The following EPB41L3 variants were observed in gnomAD, a reference collection of about 807,000 sequenced individuals.
EPB41L3 encodes the protein band 4.1-like protein 3.
EPB41L3 carries 57 observed loss-of-function variants against 127.1 expected under a neutral mutation model. The observed-to-expected ratio is 0.45, with a 90% confidence interval of 0.36 to 0.56. EPB41L3 has a LOEUF of 0.56. EPB41L3 is among the 20% of genes least tolerant of loss of function. EPB41L3 has a pLI of 0.00. For missense variants in EPB41L3, 1,273 were observed against 1,372.2 expected, an observed-to-expected ratio of 0.93 and a Z score of 1.14; for synonymous variants, 572 against 549.5, an observed-to-expected ratio of 1.04 and a Z score of -0.57.
At chr18:5,556,093 C>G (rs2094030949) in intron 3 of EPB41L3, among the ~76,000 whole-genome samples, 1 of 152,232 alleles carries the variant, frequency 6.6e-6, no homozygotes, top group Non-Finnish European at 1.5e-5. Flanking sequence ...AACCTGCACA[C>G]TGCCTGGCAT....
chr18:5,528,724 A>G (rs1253276290), intron 1 of EPB41L3, among the ~76,000 whole-genome samples: 2 of 151,982 alleles, frequency 1.3e-5, no homozygotes, highest in Non-Finnish European at 2.9e-5. Flanking sequence ...CAGCCTCCCA[A>G]GTAGCTGGGA....
At chr18:5,593,699 T>A (rs928868391) in intron 3 of EPB41L3, among the ~76,000 whole-genome samples, 3 of 152,132 alleles carry the variant, frequency 2.0e-5, no homozygotes, top group African/African-American at 7.2e-5. Flanking sequence ...TATGGGAGAC[T>A]GGGCCTTATT....
intron 1 of EPB41L3, among the ~76,000 whole-genome samples, chr18:5,522,166 C>T (rs2093018717): frequency 6.6e-6 from 1 of 152,098 alleles, no homozygotes; most frequent in African/African-American, 2.4e-5. Flanking sequence ...TGCAGTGATG[C>T]AATCTCGGTT....
intron 1 of EPB41L3, among the ~76,000 whole-genome samples, chr18:5,502,424 T>C (rs987313423): frequency 2.6e-5 from 4 of 152,214 alleles, no homozygotes; most frequent in African/African-American, 9.6e-5. Context: ...ACTTTGTATA[T>C]TGATAATTTT....
intron 3 of EPB41L3, among the ~76,000 whole-genome samples, chr18:5,553,483 C>G (rs1262112049): frequency 6.6e-6 from 1 of 152,144 alleles, no homozygotes; most frequent in African/African-American, 2.4e-5. Context: ...ACATAAGGTT[C>G]CCTTGGAATT....
At chr18:5,598,305 C>T (rs982626476) in intron 3 of EPB41L3, among the ~76,000 whole-genome samples, 2 of 152,088 alleles carry the variant, frequency 1.3e-5, no homozygotes, top group Non-Finnish European at 2.9e-5. Flanking sequence ...GATGAGAATA[C>T]ACTTGTCTTC....
intron 3 of EPB41L3, among the ~76,000 whole-genome samples, chr18:5,568,307 T>A (rs2149243943): frequency 6.6e-6 from 1 of 152,022 alleles, no homozygotes; most frequent in South Asian, 2.1e-4. Flanking sequence ...TCAGTGTTGT[T>A]TAGGTGGCGC....
intron 1 of EPB41L3, among the ~76,000 whole-genome samples, chr18:5,498,313 G>T (rs925672376): frequency 1.3e-5 from 2 of 152,146 alleles, no homozygotes; most frequent in Non-Finnish European, 2.9e-5. Context: ...AGTTCAGACG[G>T]CTGGGCGCCG....
intron 3 of EPB41L3, among the ~76,000 whole-genome samples, chr18:5,556,390 C>G (rs189611580): frequency 6.6e-5 from 10 of 152,330 alleles, no homozygotes; most frequent in Non-Finnish European, 1.3e-4. Context: ...CTAGCCAGAG[C>G]TGCTGACGAC....
Position 5,470,028 on chromosome 18 carries a change from T to C in EPB41L3, c.381+8213A>G, listed in dbSNP as rs538383956. On this transcript the variant is annotated intron_variant, in intron 3 of 22. Coordinates refer to ENST00000341928, the MANE Select transcript of EPB41L3 (RefSeq NM_012307.5). Reference sequence around the variant, plus strand: ...CTCCTGACCTCGTGATCTACCCGCCTTGGCCTCCCAAAGTGCTGGGATTAT... The same window carrying C: ...CTCCTGACCTCGTGATCTACCCGCCCTGGCCTCCCAAAGTGCTGGGATTAT... Among the ~76,000 whole-genome samples, 8 of 152,286 alleles carry C rather than the reference T, an allele frequency of 5.3e-5. No individual in the cohort carries two copies. In the East Asian group the frequency reaches 1.5e-3, roughly 29 times the overall value.
intron 1 of EPB41L3, among the ~76,000 whole-genome samples, chr18:5,513,905 T>C (rs1363973068): frequency 1.3e-5 from 2 of 152,216 alleles, no homozygotes; most frequent in Non-Finnish European, 1.5e-5. Context: ...TTTTAATGTA[T>C]GTCCTACCAG....
intron 2 of EPB41L3, chr18:5,480,173 G>A (rs113197877): frequency 1.1e-4 from 17 of 152,130 alleles, no homozygotes; most frequent in African/African-American, 4.1e-4. Flanking sequence ...TACTTTAAAT[G>A]TCAATTCCAG....
intron 1 of EPB41L3, among the ~76,000 whole-genome samples, chr18:5,519,020 C>T (rs539493671): frequency 3.3e-5 from 5 of 152,102 alleles, no homozygotes; most frequent in Non-Finnish European, 5.9e-5. Flanking sequence ...CATCTCAGAT[C>T]GTGTGTCAAG....
intron 16 of EPB41L3, chr18:5,398,386 AT>A (rs1567976657): frequency 2.0e-6 from 1 of 502,294 alleles, no homozygotes; most frequent in Non-Finnish European, 3.5e-6. Context: ...AGATATATAT[AT>A]TTTTTCCCCT....
chr18:5,442,589 T>A (rs1215080576), intron 5 of EPB41L3, among the ~76,000 whole-genome samples: 1 of 152,198 alleles, frequency 6.6e-6, no homozygotes, highest in Non-Finnish European at 1.5e-5. Context: ...TAGTAAACTG[T>A]TGAAAAGTTT....
At chr18:5,630,604 C>A (rs1161228874), upstream of EPB41L3, 1 of 480,824 alleles carries the variant, frequency 2.1e-6, no homozygotes, top group Non-Finnish European at 4.1e-6. Flanking sequence ...CCGGGCTCCT[C>A]CCGCAGCTGC....
intron 2 of EPB41L3, among the ~76,000 whole-genome samples, chr18:5,487,369 T>A (rs1448919299): frequency 1.3e-5 from 2 of 150,716 alleles, no homozygotes; most frequent in East Asian, 1.9e-4. Context: ...AGGGAATTTT[T>A]AAAAAATATA....
intron 13 of EPB41L3, among the ~76,000 whole-genome samples, chr18:5,414,900 C>T (rs2076612869): frequency 6.6e-6 from 1 of 152,224 alleles, no homozygotes; most frequent in South Asian, 2.1e-4. Context: ...GCCTGCCCTG[C>T]AGCAGCATGC....
At chr18:5,515,882 T>G (rs1057058022) in intron 1 of EPB41L3, among the ~76,000 whole-genome samples, 1 of 152,152 alleles carries the variant, frequency 6.6e-6, no homozygotes. Flanking sequence ...GAAATAGGTT[T>G]TTCTCAATAG....
Sources: gnomAD v4.1 joint callset for allele counts (sites outside exome capture counted in the v4.1 genomes callset) on GRCh38, gnomAD v4.1.1 for gene constraint, MANE v1.5 for transcripts, NCBI Gene and HGNC (gene_info 2026-07-23, HGNC 2026-07-21) for gene names.